Variants in NME9 observed in about 807,000 individuals in gnomAD.
NME9 encodes the protein thioredoxin domain-containing protein 6.
In NME9, 48 loss-of-function variants were observed where a neutral mutation model predicts 44.4. The ratio of observed to expected loss-of-function variants is 1.08; its 90% CI spans 0.86 to 1.37. NME9 has a LOEUF of 1.37. NME9 is among the 40% of genes most tolerant of loss of function. NME9 has a pLI of 0.00. For synonymous variants in NME9, 139 were observed against 147.1 expected (o/e 0.94, Z 0.40); for missense variants, 325 against 405.2 (o/e 0.80, Z 1.70).
intron 8 of NME9, chr3:138,273,198 T>A: frequency 7.3e-7 from 1 of 1,370,076 alleles, no homozygotes; most frequent in Non-Finnish European, 1.0e-6. Context: ...GTGCTCTCAT[T>A]AACATCTGCC....
intron 7 of NME9, 39 bp downstream of exon 7, chr3:138,306,359 A>G: frequency 6.9e-7 from 1 of 1,442,898 alleles, no homozygotes; most frequent in Non-Finnish European, 9.8e-7. Context: ...AAAAGAGGAC[A>G]CAAGGACAGT....
rs1438120698 is a variant in NME9, at chr3:138,315,578, G to T, written c.333C>A (p.Asp111Glu). Residue 111 changes from aspartate (D) to glutamate (E), a missense_variant, in exon 5 of 11, where the codon GAC becomes GAA. By Grantham distance (45) the Asp-to-Glu change is conservative. Coordinates refer to ENST00000333911, the MANE Select transcript of NME9 (RefSeq NM_001349018.2). ...GCACTTTCTTTTCGGCCTCCAGCTGGTCTAGGATGGTTTTCTGCAGCAGTG... is the reference window on the plus strand; with the variant it reads ...GCACTTTCTTTTCGGCCTCCAGCTGTTCTAGGATGGTTTTCTGCAGCAGTG... ...NAPLLQKTILDQLEAEKKVLA... is the reference protein window; with the variant it reads ...NAPLLQKTILEQLEAEKKVLA... 3 of 1,536,516 alleles carry T rather than the reference G, an allele frequency of 2.0e-6. No individual in the cohort carries two copies. Among genetic ancestry groups the T allele is most frequent in the Non-Finnish European group, 2.6e-6 (3 of 1,147,022 alleles).
At chr3:138,299,224 A>G (rs2051716525), downstream of NME9, among the ~76,000 whole-genome samples, 1 of 151,606 alleles carries the variant, frequency 6.6e-6, no homozygotes, top group African/African-American at 2.4e-5. Flanking sequence ...GGCTGAGGGA[A>G]CCCCCCAAGG....
In NME9 at chr3:138,301,800, G is replaced by C. The variant is rs1241094161; in HGVS notation, c.929-96C>G. 3.0e-6 allele frequency: 3 copies of C among 985,070 alleles called. No homozygotes were observed. In the East Asian group the frequency reaches 7.8e-5, roughly 26 times the overall value. 61.0% of individuals were successfully genotyped at this position (985,070 alleles called of 1,614,324 possible). On this transcript the variant is annotated intron_variant, in intron 10 of 10. Transcript: ENST00000333911. ...TCCACAAAGAAATAGGAAGTTAAAG[G>C]TCAGAGCAGGAGGGTCAGCAAAGAA...
intron 1 of NME9, 38 bp from the exon 2 acceptor site, chr3:138,324,968 G>A: frequency 6.5e-7 from 1 of 1,527,818 alleles, no homozygotes; most frequent in Non-Finnish European, 9.1e-7. Context: ...ATTACTGAGG[G>A]CTCAGGCAGG....
At chr3:138,306,534 C>T (rs770759672) in intron 6 of NME9, 54 bp from the exon 7 acceptor site, 15 of 1,099,598 alleles carry the variant, frequency 1.4e-5, no homozygotes, top group Non-Finnish European at 1.8e-5. Flanking sequence ...CCTGAGAGGC[C>T]ATCCACAAAA....
At position 138,325,412 on chromosome 3, in the gene NME9, G is replaced by GT. The variant is rs796215023; in HGVS notation, c.34-483dup. On this transcript the variant is annotated intron_variant, in intron 1 of 10. Transcript: ENST00000333911. ...AGTAAAAATTTCTTTTTTTTTTTTTGTTTTTTTTTGAGATGGAGTCTTGCT... is the reference window on the plus strand; with the variant it reads ...AGTAAAAATTTCTTTTTTTTTTTTTGTTTTTTTTTTGAGATGGAGTCTTGCT... 8.9e-3 allele frequency among the ~76,000 whole-genome samples: 1,026 copies of GT among 115,680 alleles called. 12 individuals are homozygous for GT. The highest frequency in any genetic ancestry group is 0.03 in the African/African-American group (936 of 31,290). 75.9% of individuals were successfully genotyped at this position (115,680 alleles called of 152,430 possible).
chr3:138,283,906 C>T (rs1234150458), intron 8 of NME9, among the ~76,000 whole-genome samples: 2 of 152,148 alleles, frequency 1.3e-5, no homozygotes, highest in African/African-American at 2.4e-5. Flanking sequence ...CCTAAGTGCA[C>T]ATGGCTGGTG....
chr3:138,318,040 G>T, intron 4 of NME9, 108 bp downstream of exon 4: 1 of 756,916 alleles, frequency 1.3e-6, no homozygotes. Flanking sequence ...GCCTCTTGGT[G>T]GTTCCCATTA....
chr3:138,306,560 A>G (rs1025952613), intron 6 of NME9, 80 bp from the exon 7 acceptor site: 3 of 789,456 alleles, frequency 3.8e-6, no homozygotes, highest in East Asian at 2.5e-5. Flanking sequence ...TGCAACCTCT[A>G]CACAAGGCTC....
chr3:138,322,485 G>GGTGTGTGTGTGTGTGTGTGTGT (rs10580643), intron 2 of NME9, among the ~76,000 whole-genome samples: 1 of 146,330 alleles, frequency 6.8e-6, no homozygotes, highest in Non-Finnish European at 1.5e-5. Context: ...AAGAAAAAGG[G>GGTGTGTGTGTGTGTGTGTGTGT]GTGTGTGTGT....
chr3:138,300,662 C>T (rs2051791600), downstream of NME9, among the ~76,000 whole-genome samples: 1 of 152,196 alleles, frequency 6.6e-6, no homozygotes, highest in Non-Finnish European at 1.5e-5. Flanking sequence ...TGAAGGCAAC[C>T]TGGCCCCACT....
At chr3:138,314,734 C>T (rs1044819524) in intron 5 of NME9, among the ~76,000 whole-genome samples, 4 of 152,080 alleles carry the variant, frequency 2.6e-5, no homozygotes, top group African/African-American at 7.2e-5. Context: ...ACAGAGAAGC[C>T]GCCAAGAGAT....
At chr3:138,327,265 C>T (rs957565333) in intron 1 of NME9, 44 of 151,920 alleles carry the variant, frequency 2.9e-4, no homozygotes, top group Middle Eastern at 3.4e-3. Flanking sequence ...TTCTTGATGT[C>T]TTAAATGAAA....
chr3:138,305,624 C>T (rs573289039), intron 8 of NME9, among the ~76,000 whole-genome samples: 4 of 152,126 alleles, frequency 2.6e-5, no homozygotes, highest in African/African-American at 7.2e-5. Flanking sequence ...TCAGCAGAAG[C>T]AAATGGAAGG....
At chr3:138,328,504 T>C (rs1293597372) in intron 1 of NME9, among the ~76,000 whole-genome samples, 1 of 152,048 alleles carries the variant, frequency 6.6e-6, no homozygotes, top group East Asian at 1.9e-4. Flanking sequence ...CCACTAATGC[T>C]CTATTATCTA....
At chr3:138,287,553 A>G in intron 8 of NME9, 1 of 451,340 alleles carries the variant, frequency 2.2e-6, no homozygotes, top group Non-Finnish European at 4.5e-6. Flanking sequence ...TATAGTATAT[A>G]CAAGCTCATT....
rs776320900 is a variant in NME9 at position 138,271,798 on chromosome 3, C to CTTTTTTTTTTTTTT, written c.746-9226_746-9213dup. Among the ~76,000 whole-genome samples the CTTTTTTTTTTTTTT allele has an allele frequency of 5.5e-4, 75 of 136,126 alleles. 2 individuals are homozygous for CTTTTTTTTTTTTTT. The highest frequency in any genetic ancestry group is 2.1e-3 in the African/African-American group (74 of 35,282). 89.3% of individuals were successfully genotyped at this position (136,126 alleles called of 152,430 possible). ...AGTTCACAAGATTTTTTTTTTCTTT[C>CTTTTTTTTTTTTTT]TTTTTTTTTTTTTTTGATACAGAGT... On this transcript the variant is annotated intron_variant, in intron 8 of 8. Coordinates refer to the NME9 transcript ENST00000317876.
intron 8 of NME9, chr3:138,295,984 G>A (rs1305407067): frequency 7.0e-7 from 1 of 1,424,014 alleles, no homozygotes; most frequent in African/African-American, 1.4e-5. Context: ...ATTTGCACAA[G>A]TCACCTTGGA....
Sources: gnomAD v4.1 joint callset for allele counts (sites outside exome capture counted in the v4.1 genomes callset) on GRCh38, gnomAD v4.1.1 for gene constraint, MANE v1.5 for transcripts, NCBI Gene and HGNC (gene_info 2026-07-23, HGNC 2026-07-21) for gene names.